Variants in BRINP3 observed in about 807,000 individuals in gnomAD.
The protein encoded by BRINP3 is BMP/retinoic acid inducible neural specific 3, also known as BMP/retinoic acid-inducible neural-specific protein 3.
In BRINP3, 19 loss-of-function variants were observed where a neutral mutation model predicts 71.0. The observed-to-expected ratio is 0.27, with a 90% CI of 0.19 to 0.39. BRINP3 has a LOEUF of 0.39. BRINP3 is among the 10% of genes least tolerant of loss of function. The probability of loss-of-function intolerance (pLI) is 1.00; values close to 1 mark genes in which losing one functional copy is unlikely to be tolerated. For missense variants in BRINP3, 959 were observed against 940.8 expected, an observed-to-expected ratio of 1.02 and a Z score of -0.25; for synonymous variants, 380 against 337.7, an observed-to-expected ratio of 1.13 and a Z score of -1.37.
At chr1:190,255,074 G>A (rs1016351588) in intron 4 of BRINP3, among the ~76,000 whole-genome samples, 21 of 151,550 alleles carry the variant, frequency 1.4e-4, no homozygotes, top group Non-Finnish European at 2.4e-4. Context: ...GATGGATTAT[G>A]GTTATTGATT....
chr1:190,374,596 G>T (rs1473564270), intron 2 of BRINP3, among the ~76,000 whole-genome samples: 3 of 152,058 alleles, frequency 2.0e-5, no homozygotes, highest in Non-Finnish European at 4.4e-5. Flanking sequence ...AATTCAGTAA[G>T]GTAGTGGGGT....
chr1:190,276,737 TG>T (rs955215382), intron 3 of BRINP3, among the ~76,000 whole-genome samples: 8 of 151,502 alleles, frequency 5.3e-5, no homozygotes, highest in African/African-American at 1.9e-4. Flanking sequence ...ATACTATTTT[TG>T]CACATTGATC....
chr1:190,467,245 T>C (rs1248650018), intron 1 of BRINP3, among the ~76,000 whole-genome samples: 2 of 151,566 alleles, frequency 1.3e-5, no homozygotes, highest in Admixed American at 6.6e-5. Flanking sequence ...TTAAAAAGTG[T>C]ACTACAAATA....
intron 2 of BRINP3, among the ~76,000 whole-genome samples, chr1:190,375,251 G>A (rs537610856): frequency 6.6e-6 from 1 of 151,712 alleles, no homozygotes; most frequent in East Asian, 1.9e-4. Flanking sequence ...AATCATACAT[G>A]TTTGTATATA....
chr1:190,282,981 G>C lies in BRINP3; in HGVS notation c.237-1231C>G, dbSNP rs1404497409. Reference sequence around the variant, plus strand: ...GCTTGGTGCAAGGAGGCAGGAAAAGGACTGAAGCAGAATAATGAGGAACAG... The same window carrying C: ...GCTTGGTGCAAGGAGGCAGGAAAAGCACTGAAGCAGAATAATGAGGAACAG... On this transcript the variant is annotated intron_variant, in intron 2 of 7. Coordinates refer to ENST00000367462, the MANE Select transcript of BRINP3 (RefSeq NM_199051.3). 2.0e-5 allele frequency among the ~76,000 whole-genome samples: 3 copies of C among 151,904 alleles called. No homozygotes were observed. The East Asian group carries it at 5.8e-4, about 29-fold the overall frequency.
chr1:190,270,826 T>C (rs970917942), intron 3 of BRINP3, among the ~76,000 whole-genome samples: 3 of 151,714 alleles, frequency 2.0e-5, no homozygotes, highest in African/African-American at 7.2e-5. Flanking sequence ...TGATTACACT[T>C]GGAAAATGCA....
At chr1:190,451,874 G>A (rs1675630616) in intron 2 of BRINP3, among the ~76,000 whole-genome samples, 5 of 152,110 alleles carry the variant, frequency 3.3e-5, no homozygotes, top group Admixed American at 2.0e-4. Flanking sequence ...AGAAGAGGAT[G>A]AAATGAAGAA....
intron 2 of BRINP3, among the ~76,000 whole-genome samples, chr1:190,392,838 G>T (rs1671336412): frequency 6.6e-6 from 1 of 151,482 alleles, no homozygotes; most frequent in African/African-American, 2.4e-5. Flanking sequence ...ACAGTAATTA[G>T]CATTCTCTTT....
At chr1:190,304,138 T>A (rs1664927320) in intron 2 of BRINP3, among the ~76,000 whole-genome samples, 1 of 151,886 alleles carries the variant, frequency 6.6e-6, no homozygotes, top group Non-Finnish European at 1.5e-5. Context: ...GTCATTTGTA[T>A]TCTTTATTTT....
chr1:190,312,924 A>G (rs1338960893), intron 2 of BRINP3, among the ~76,000 whole-genome samples: 1 of 151,786 alleles, frequency 6.6e-6, no homozygotes, highest in Non-Finnish European at 1.5e-5. Context: ...CAAGATTGTC[A>G]TTCTATTCAA....
chr1:190,394,455 C>T (rs1671443977), intron 2 of BRINP3, among the ~76,000 whole-genome samples: 1 of 151,352 alleles, frequency 6.6e-6, no homozygotes, highest in Admixed American at 6.6e-5. Flanking sequence ...TATGAATGCA[C>T]ATATGCCAAA....
intron 2 of BRINP3, among the ~76,000 whole-genome samples, chr1:190,420,186 A>G (rs904901677): frequency 1.1e-4 from 17 of 152,004 alleles, no homozygotes; most frequent in Non-Finnish European, 1.5e-5. Context: ...TTTCTATTCC[A>G]CTGAGTTGAT....
chr1:190,448,333 A>C lies in BRINP3; in HGVS notation c.236+6322T>G, dbSNP rs182327175. On this transcript the variant is annotated intron_variant, in intron 2 of 7. Coordinates refer to ENST00000367462, the MANE Select transcript of BRINP3 (RefSeq NM_199051.3). ...TGTGGGTTAGAATAAAGTCAAATTG[A>C]GTATACATTGCATGACCGTATTTAA... 2.6e-3 allele frequency among the ~76,000 whole-genome samples: 388 copies of C among 151,854 alleles called. 1 individual carries two copies. Among genetic ancestry groups the C allele is most frequent in the African/African-American group, 9.0e-3 (374 of 41,520 alleles).
intron 4 of BRINP3, among the ~76,000 whole-genome samples, chr1:190,261,882 T>C (rs1006844209): frequency 1.3e-5 from 2 of 152,180 alleles, no homozygotes; most frequent in African/African-American, 4.8e-5. Context: ...AAGAGCACTT[T>C]ACATCGAATT....
chr1:190,188,020 A>AT (rs150648686), intron 6 of BRINP3, among the ~76,000 whole-genome samples: 2 of 151,502 alleles, frequency 1.3e-5, no homozygotes, highest in Admixed American at 6.6e-5. Flanking sequence ...AACACAGGGT[A>AT]TTTTTTTATT....
At chr1:190,242,230 G>A (rs901664956) in intron 4 of BRINP3, among the ~76,000 whole-genome samples, 7 of 151,916 alleles carry the variant, frequency 4.6e-5, no homozygotes, top group Non-Finnish European at 8.8e-5. Context: ...AGTGTATTTT[G>A]TGGGAAAAGT....
In BRINP3 at chr1:190,281,588, T is replaced by C. The variant is rs1663042175; in HGVS notation, c.399A>G (p.Thr133=). 1 of 1,612,552 alleles carries C rather than the reference T, an allele frequency of 6.2e-7. No individual in the cohort carries two copies. Among genetic ancestry groups the C allele is most frequent in the African/African-American group, 1.3e-5 (1 of 74,786 alleles). The change falls in exon 3 of 8, where the codon ACA becomes ACG. Residue 133 remains threonine, a synonymous_variant. Coordinates refer to ENST00000367462, the MANE Select transcript of BRINP3 (RefSeq NM_199051.3). Reference sequence around the variant, plus strand: ...CCAGAGTAGCAGATAGCAAGAAATGTGTCCCATATTTCTTGATAAGGTTTT... The same window carrying C: ...CCAGAGTAGCAGATAGCAAGAAATGCGTCCCATATTTCTTGATAAGGTTTT... ...ITENLIKKYG[T]HFLLSATLGG...
chr1:190,200,256 C>T (rs1363752657), intron 6 of BRINP3, among the ~76,000 whole-genome samples: 1 of 151,608 alleles, frequency 6.6e-6, no homozygotes. Context: ...CAATAAATAG[C>T]TAAATTTGTG....
At chr1:190,336,350 T>C (rs1298002249) in intron 2 of BRINP3, among the ~76,000 whole-genome samples, 1 of 152,118 alleles carries the variant, frequency 6.6e-6, no homozygotes, top group Non-Finnish European at 1.5e-5. Flanking sequence ...AATAGTTACA[T>C]AGTTTTTTGT....
Sources: gnomAD v4.1 joint callset for allele counts (sites outside exome capture counted in the v4.1 genomes callset) on GRCh38, gnomAD v4.1.1 for gene constraint, MANE v1.5 for transcripts, NCBI Gene and HGNC (gene_info 2026-07-23, HGNC 2026-07-21) for gene names.